Variants in APOB observed in about 807,000 individuals in gnomAD.
APOB encodes apolipoprotein B-100.
A neutral mutation model predicts 314.1 loss-of-function variants in APOB; 153 were observed. The ratio of observed to expected loss-of-function variants is 0.49; its 90% CI spans 0.43 to 0.56. The LOEUF is 0.56. Ranked by LOEUF, APOB falls within the 20% of genes least tolerant of loss-of-function variation. The pLI, the probability that APOB is intolerant of heterozygous loss-of-function variation, is 0.00. For missense variants in APOB, 5,430 were observed against 5,350.7 expected (o/e 1.01, Z -0.46); for synonymous variants, 2,087 against 2,036.4 (o/e 1.02, Z -0.67).
In APOB at chr2:21,007,678, A is replaced by T. The variant is rs778445160; in HGVS notation, c.9190T>A (p.Leu3064Ile). 1 of 1,614,112 alleles carries T rather than the reference A, an allele frequency of 6.2e-7. No individual in the cohort carries two copies. The highest frequency in any genetic ancestry group is 1.1e-5 in the South Asian group (1 of 91,078). The change falls in exon 26 of 29, where the codon TTA becomes ATA. Residue 3064 changes from leucine (L) to isoleucine (I), a missense_variant. This residue lies in a region of APOB where 3,281 missense variants were observed against 3,171.0 expected (regional missense o/e 1.03). Coordinates refer to ENST00000233242, the MANE Select transcript of APOB (RefSeq NM_000384.3). ...GNLKVRFPLR[L>I]TGKIDFLNNY... ...TTCAGGAAGTCTATCTTCCCTGTTA[A>T]CCTTAATGGAAAACGAACTTTCAAA...
chr2:21,044,013 G>A lies in APOB; in HGVS notation c.-68C>T. The A allele has an allele frequency of 2.3e-6, 2 of 853,978 alleles. No individual in the cohort carries two copies. The highest frequency in any genetic ancestry group is 1.5e-6 in the Non-Finnish European group (1 of 650,830). 52.9% of individuals were successfully genotyped at this position (853,978 alleles called of 1,614,324 possible). A position where few individuals can be genotyped will look rare whatever the true frequency, so the allele number is the denominator to read the frequency against. ...CGGCCTCGCGGCCCTGGCTGGCTGGGCGGGCTCCTCAGCGGCAGCAACCGA... is the reference window on the plus strand; with the variant it reads ...CGGCCTCGCGGCCCTGGCTGGCTGGACGGGCTCCTCAGCGGCAGCAACCGA... On this transcript the variant is annotated 5_prime_UTR_variant, in exon 1 of 29. Coordinates refer to ENST00000233242, the MANE Select transcript of APOB (RefSeq NM_000384.3).
rs72653082 is a variant in APOB, at chr2:21,012,617, C to T, written c.4251G>A (p.Thr1417=). The change falls in exon 26 of 29, where the codon ACG becomes ACA. Residue 1417 remains threonine (T), a synonymous_variant. Transcript: ENST00000233242. ...GAGACCCATCACATGATAGTGTGAA[C>T]GTATTCTTGTGGTCATATGTTGTTT... ...SGETTYDHKN[T]FTLSCDGSLR... 90 of 1,612,254 alleles carry T rather than the reference C, an allele frequency of 5.6e-5. No individual in the cohort carries two copies. The highest frequency in any genetic ancestry group is 3.0e-4 in the Admixed American group (18 of 59,992).
intron 4 of APOB, among the ~76,000 whole-genome samples, chr2:21,040,393 G>T (rs539935433): frequency 3.9e-5 from 6 of 152,334 alleles, no homozygotes; most frequent in African/African-American, 1.4e-4. Context: ...TGTGATTGAG[G>T]ATGAGGCAGG....
intron 13 of APOB, 59 bp from the exon 14 acceptor site, chr2:21,028,124 G>A: frequency 2.3e-6 from 3 of 1,293,466 alleles, no homozygotes; most frequent in South Asian, 2.4e-5. Context: ...TTTGACTCTT[G>A]CACCCCAAGT....
chr2:21,009,551 G>A lies in APOB; in HGVS notation c.7317C>T (p.Thr2439=). 1 of 1,613,920 alleles carries A rather than the reference G, an allele frequency of 6.2e-7. No individual in the cohort carries two copies. Among genetic ancestry groups the A allele is most frequent in the Non-Finnish European group, 8.5e-7 (1 of 1,179,940 alleles). The change falls in exon 26 of 29, where the codon ACC becomes ACT. Residue 2439 remains threonine (T), a synonymous_variant. Coordinates refer to ENST00000233242, the MANE Select transcript of APOB (RefSeq NM_000384.3). ...SFDYHQFVDE[T]NDKIREVTQR... ...GAGTCACCTCACGGATTTTGTCATT[G>A]GTTTCATCTACAAACTGGTGGTAAT...
In APOB at chr2:21,006,292, T is replaced by C. The variant is rs756696584; in HGVS notation, c.10576A>G (p.Thr3526Ala). Residue 3526 changes from threonine (T) to alanine (A), a missense_variant, in exon 26 of 29, where the codon ACA becomes GCA. This residue lies in a region of APOB where 3,281 missense variants were observed against 3,171.0 expected (regional missense o/e 1.03). Transcript: ENST00000233242. ...EANTYLNSKS[T>A]RSSVKLQGTS... The stretch of plus-strand genomic sequence containing the variant: ...CCCTGCAGCTTCACTGAAGACCGTG[T>C]GCTCTTGGAATTCAAGTAAGTGTTG... 4 of 1,614,076 alleles carry C rather than the reference T, an allele frequency of 2.5e-6. No individual in the cohort carries two copies. The highest frequency in any genetic ancestry group is 4.5e-5 in the East Asian group (2 of 44,880).
chr2:21,035,546 C>A (rs1485785143), intron 7 of APOB, 38 bp downstream of exon 7: 18 of 1,612,660 alleles, frequency 1.1e-5, no homozygotes, highest in Non-Finnish European at 1.4e-5. Context: ...CACACTGACC[C>A]ATTAAATGAC....
chr2:21,028,991 G>A (rs545854945), intron 12 of APOB, among the ~76,000 whole-genome samples: 6 of 152,186 alleles, frequency 3.9e-5, no homozygotes, highest in Non-Finnish European at 7.3e-5. Context: ...GGAAAATTAA[G>A]CATGTTTTTC....
At chr2:21,043,664 C>T (rs1664191262) in intron 1 of APOB, 113 bp from the exon 2 acceptor site, 1 of 1,509,918 alleles carries the variant, frequency 6.6e-7, no homozygotes, top group African/African-American at 1.4e-5. Context: ...GAGGCAGGCT[C>T]CGGAGACCCC....
In APOB at chr2:21,008,091, T is replaced by C. The variant is rs1663198755; in HGVS notation, c.8777A>G (p.Lys2926Arg). The C allele has an allele frequency of 5.0e-6, 8 of 1,614,082 alleles. No individual in the cohort carries two copies. The highest frequency in any genetic ancestry group is 6.8e-6 in the Non-Finnish European group (8 of 1,179,964). Residue 2926 changes from lysine to arginine, a missense_variant, in exon 26 of 29, where the codon AAA becomes AGA. Physicochemically the swap from Lys to Arg is conservative, Grantham distance 26. Transcript: ENST00000233242. ...AGHIAWTSSGKGSWKWACPRF... is the reference protein window; with the variant it reads ...AGHIAWTSSGRGSWKWACPRF... ...GGGGCAGGCCCATTTCCATGACCCT[T>C]TTCCAGAAGAAGTCCATGCTATGTG...
chr2:21,007,783 C>T lies in APOB; in HGVS notation c.9085G>A (p.Val3029Ile), dbSNP rs375828269. 4.3e-6 allele frequency: 7 copies of T among 1,614,042 alleles called. No individual in the cohort carries two copies. The East Asian group carries it at 8.9e-5, about 21-fold the overall frequency. Residue 3029 changes from valine (V) to isoleucine (I), a missense_variant, in exon 26 of 29, where the codon GTT becomes ATT. Coordinates refer to ENST00000233242, the MANE Select transcript of APOB (RefSeq NM_000384.3). ...AGAGAATTTTTCAAAGTTCCAATAACCTTTCCATTTAAATGAGCATCATGC... is the reference window on the plus strand; with the variant it reads ...AGAGAATTTTTCAAAGTTCCAATAATCTTTCCATTTAAATGAGCATCATGC... ...GRHDAHLNGK[V>I]IGTLKNSLFF...
intron 12 of APOB, 123 bp downstream of exon 12, chr2:21,029,516 G>GAAGGA (rs375375863): frequency 6.4e-6 from 7 of 1,090,878 alleles, no homozygotes; most frequent in Admixed American, 3.6e-5. Context: ...AGGAAGGAAG[G>GAAGGA]AAGGAAAGGA....
Position 21,038,077 on chromosome 2 carries a change from G to A in APOB, c.418C>T (p.Gln140Ter). Residue 140 changes from glutamine (Q) to a stop codon, truncating the protein, a stop_gained, in exon 5 of 29, where the codon CAG (glutamine) becomes TAG (stop). Coordinates refer to ENST00000233242, the MANE Select transcript of APOB (RefSeq NM_000384.3). LOFTEE classifies it high-confidence loss of function. Reference sequence around the variant, plus strand: ...TCTTTCTCCGGGTAAAGGAAAACCTGCTTCCCTTCTGGAATGGCCAGCTTG... The same window carrying A: ...TCTTTCTCCGGGTAAAGGAAAACCTACTTCCCTTCTGGAATGGCCAGCTTG... Reference protein sequence around the residue: ...ELKLAIPEGKQVFLYPEKDEP... With the variant: ...ELKLAIPEGK The A allele has an allele frequency of 6.2e-7, 1 of 1,614,164 alleles. No homozygotes were observed. Among genetic ancestry groups the A allele is most frequent in the Non-Finnish European group, 8.5e-7 (1 of 1,180,034 alleles).
chr2:21,029,499 GGA>G (rs1194560815), intron 12 of APOB, 138 bp downstream of exon 12: 74 of 818,402 alleles, frequency 9.0e-5, no homozygotes, highest in Admixed American at 2.3e-4. Context: ...GAGGGAGGAA[GGA>G]AGGAAGGAAG....
In APOB at chr2:21,015,166, A is replaced by C; in HGVS notation, c.3603T>G (p.Pro1201=). The C allele has an allele frequency of 6.2e-7, 1 of 1,614,190 alleles. No homozygotes were observed. The highest frequency in any genetic ancestry group is 8.5e-7 in the Non-Finnish European group (1 of 1,179,994). The change falls in exon 23 of 29, where the codon CCT becomes CCG. Residue 1201 remains proline, a synonymous_variant. Transcript: ENST00000233242. ...TATTAGCATACATATGCAAGCTCTT[A>C]GGATAATCGGAGAGATCCACAGGGA... ...SNFPVDLSDY[P]KSLHMYANRL...
rs1663254095 is a variant in APOB at position 21,009,773 on chromosome 2, G to T, written c.7095C>A (p.Ala2365=). 2 of 1,613,826 alleles carry T rather than the reference G, an allele frequency of 1.2e-6. No individual in the cohort carries two copies. Among genetic ancestry groups the T allele is most frequent in the Non-Finnish European group, 1.7e-6 (2 of 1,179,946 alleles). Residue 2365 remains alanine, a synonymous_variant, in exon 26 of 29, where the codon GCC becomes GCA. Coordinates refer to ENST00000233242, the MANE Select transcript of APOB (RefSeq NM_000384.3). The part of the protein sequence containing the change: ...QVLMDKLVEL[A]HQYKLKETIQ... Reference sequence around the variant, plus strand: ...TAGTCTCCTTCAACTTGTATTGGTGGGCCAACTCTACTAATTTATCCATTA... The same window carrying T: ...TAGTCTCCTTCAACTTGTATTGGTGTGCCAACTCTACTAATTTATCCATTA...
chr2:21,033,684 G>A (rs956365820), intron 8 of APOB, among the ~76,000 whole-genome samples, 166 bp from the exon 9 acceptor site: 1 of 152,164 alleles, frequency 6.6e-6, no homozygotes, highest in Non-Finnish European at 1.5e-5. Context: ...TGATTGACTT[G>A]TTTTCACTGA....
In APOB at chr2:21,002,808, G is replaced by C. The variant is rs375471570; in HGVS notation, c.12614C>G (p.Pro4205Arg). 6.2e-7 allele frequency: 1 copy of C among 1,610,244 alleles called. No individual in the cohort carries two copies. The highest frequency in any genetic ancestry group is 8.5e-7 in the Non-Finnish European group (1 of 1,177,886). The change falls in exon 29 of 29, where the codon CCG (proline) becomes CGG (arginine). Residue 4205 changes from proline to arginine, a missense_variant. Coordinates refer to ENST00000233242, the MANE Select transcript of APOB (RefSeq NM_000384.3). ...CCTAGTGTATATCCCAGGTTTCCCC[G>C]GAAACTGGAATCTGGGGAAGTTCAG... ...DFLNFPRFQF[P>R]GKPGIYTREE...
In APOB at chr2:21,011,375, G is replaced by A. The variant is rs1273891659; in HGVS notation, c.5493C>T (p.Tyr1831=). The part of the protein sequence containing the change: ...LHVAGNLKGA[Y]QNNEIKHIYA... The stretch of plus-strand genomic sequence containing the variant: ...AGATGTGTTTTATTTCATTATTTTG[G>A]TAGGCTCCTTTTAGGTTACCAGCCA... Residue 1831 remains tyrosine (Y), a synonymous_variant, in exon 26 of 29, where the codon TAC becomes TAT. Transcript: ENST00000233242. The A allele has an allele frequency of 6.2e-7, 1 of 1,613,954 alleles. No individual in the cohort carries two copies. The highest frequency in any genetic ancestry group is 8.5e-7 in the Non-Finnish European group (1 of 1,180,032).
Sources: gnomAD v4.1 joint callset for allele counts (sites outside exome capture counted in the v4.1 genomes callset) on GRCh38, gnomAD v4.1.1 for gene constraint, gnomAD v4.1.1 regional missense constraint, MANE v1.5 for transcripts, NCBI Gene and HGNC (gene_info 2026-07-23, HGNC 2026-07-21) for gene names.